The following HUS1 variants were observed in gnomAD, a reference collection of about 807,000 sequenced individuals.
HUS1 encodes HUS1 checkpoint clamp component.
Under a neutral mutation model 32.6 loss-of-function variants are expected in HUS1, and 31 were observed. The ratio of observed to expected loss-of-function variants is 0.95; its 90% CI spans 0.72 to 1.28. The LOEUF is 1.28. Among genes scored for constraint, HUS1 ranks in the 50% most tolerant of loss-of-function variants. The pLI is 0.00. For missense variants in HUS1, 340 were observed against 337.7 expected (o/e 1.01, Z -0.05); for synonymous variants, 123 against 116.6 (o/e 1.06, Z -0.36).
intron 5 of HUS1, among the ~76,000 whole-genome samples, chr7:47,974,864 G>T (rs989154768): frequency 2.0e-5 from 3 of 152,298 alleles, no homozygotes; most frequent in African/African-American, 4.8e-5. Flanking sequence ...CCCTAGCTTG[G>T]TGTGAGGTGT....
intron 4 of HUS1, chr7:47,976,234 T>C (rs941779037): frequency 4.9e-6 from 2 of 406,002 alleles, no homozygotes; most frequent in South Asian, 1.7e-5. Flanking sequence ...TTCTGTACTT[T>C]CTTCTTAAAC....
At chr7:47,969,362 A>T (rs1347795557) in intron 5 of HUS1, 44 bp from the exon 6 acceptor site, 1 of 1,151,156 alleles carries the variant, frequency 8.7e-7, no homozygotes, top group African/African-American at 1.5e-5. Flanking sequence ...AGGAAGCCAA[A>T]AGGAAAAAAA....
chr7:47,968,012 T>C, intron 6 of HUS1, 87 bp from the exon 7 acceptor site: 2 of 1,409,212 alleles, frequency 1.4e-6, no homozygotes, highest in Non-Finnish European at 9.7e-7. Flanking sequence ...CTTAAATAAA[T>C]GATTCACTTT....
At chr7:47,973,763 A>G (rs1788644453) in intron 5 of HUS1, among the ~76,000 whole-genome samples, 1 of 152,254 alleles carries the variant, frequency 6.6e-6, no homozygotes, top group Non-Finnish European at 1.5e-5. Context: ...ACTCCAAAAA[A>G]GAGAAAACAA....
chr7:47,968,410 G>A (rs1025690554), intron 6 of HUS1, among the ~76,000 whole-genome samples: 1 of 152,214 alleles, frequency 6.6e-6, no homozygotes. Context: ...ATAACCGTAT[G>A]GATTTCACTC....
chr7:47,965,852 T>A lies in HUS1; in HGVS notation c.761-414A>T, dbSNP rs183643131. Among the ~76,000 whole-genome samples the A allele has an allele frequency of 1.9e-3, 295 of 151,960 alleles. 1 individual carries two copies. Among genetic ancestry groups the A allele is most frequent in the African/African-American group, 6.7e-3 (279 of 41,448 alleles). On this transcript the variant is annotated intron_variant, in intron 7 of 7. Coordinates refer to ENST00000258774, the MANE Select transcript of HUS1 (RefSeq NM_004507.4). ...GTCACACACTGCTACATGGGATGGATCCCTGCATCTCAACGGTCCTGCCAA... is the reference window on the plus strand; with the variant it reads ...GTCACACACTGCTACATGGGATGGAACCCTGCATCTCAACGGTCCTGCCAA...
chr7:47,973,325 A>T (rs962264110), intron 5 of HUS1, among the ~76,000 whole-genome samples: 2 of 152,244 alleles, frequency 1.3e-5, no homozygotes, highest in Admixed American at 6.5e-5. Flanking sequence ...ATCTCCCAGG[A>T]GCTGGTCAGA....
chr7:47,967,567 T>C (rs1252818976), intron 7 of HUS1, among the ~76,000 whole-genome samples: 1 of 152,186 alleles, frequency 6.6e-6, no homozygotes, highest in Admixed American at 6.5e-5. Context: ...CCAGTGTGGC[T>C]GCAGGTTTCA....
At chr7:47,969,666 A>G (rs759551226) in intron 5 of HUS1, among the ~76,000 whole-genome samples, 4 of 152,140 alleles carry the variant, frequency 2.6e-5, no homozygotes, top group Non-Finnish European at 5.9e-5. Flanking sequence ...AGCTGATGAG[A>G]ACTCCCTCAC....
chr7:47,975,004 C>T (rs3176536), intron 5 of HUS1, among the ~76,000 whole-genome samples: 33 of 152,186 alleles, frequency 2.2e-4, no homozygotes, highest in South Asian at 1.9e-3. Context: ...AATACGGGCA[C>T]GTTAGCAGGT....
At chr7:47,977,597 T>C (rs1428632995) in intron 3 of HUS1, among the ~76,000 whole-genome samples, 1 of 152,158 alleles carries the variant, frequency 6.6e-6, no homozygotes, top group African/African-American at 2.4e-5. Flanking sequence ...TTGAGAGTTA[T>C]GAAGAAAAGC....
intron 5 of HUS1, among the ~76,000 whole-genome samples, chr7:47,972,858 A>G (rs557546784): frequency 1.3e-5 from 2 of 152,206 alleles, no homozygotes; most frequent in African/African-American, 2.4e-5. Flanking sequence ...CGTTTCTCAG[A>G]TAACATTTGA....
chr7:47,974,519 C>T (rs1397902125), intron 5 of HUS1, among the ~76,000 whole-genome samples: 1 of 152,262 alleles, frequency 6.6e-6, no homozygotes, highest in Non-Finnish European at 1.5e-5. Flanking sequence ...AACCCAGCCT[C>T]GTTCTGCAGG....
At chr7:47,971,741 G>T (rs995908440) in intron 5 of HUS1, among the ~76,000 whole-genome samples, 3 of 152,146 alleles carry the variant, frequency 2.0e-5, no homozygotes, top group Admixed American at 6.5e-5. Context: ...GTGCCACCTA[G>T]CAACTGGTCT....
At chr7:47,969,377 A>G in intron 5 of HUS1, 59 bp from the exon 6 acceptor site, 1 of 892,644 alleles carries the variant, frequency 1.1e-6, no homozygotes, top group Non-Finnish European at 1.8e-6. Context: ...AAAAAACTCC[A>G]TGGGCAACAG....
chr7:47,965,618 C>G (rs1165529839), intron 7 of HUS1, among the ~76,000 whole-genome samples, 180 bp from the exon 8 acceptor site: 1 of 152,186 alleles, frequency 6.6e-6, no homozygotes, highest in Non-Finnish European at 1.5e-5. Context: ...ACATCACGGC[C>G]CCAGCACTGG....
At chr7:47,971,418 C>T (rs1321529924) in intron 5 of HUS1, 11 of 455,678 alleles carry the variant, frequency 2.4e-5, no homozygotes, top group South Asian at 1.4e-4. Context: ...CCTGCTCTTG[C>T]TGCCCGGGGA....
At chr7:47,978,909 C>A in intron 1 of HUS1, 93 bp from the exon 2 acceptor site, 1 of 1,330,832 alleles carries the variant, frequency 7.5e-7, no homozygotes, top group Non-Finnish European at 1.0e-6. Context: ...TCATCAACTT[C>A]TCGGTGGAAA....
Position 47,965,296 on chromosome 7 carries a change from A to C in HUS1, c.*60T>G. 1 of 1,107,628 alleles carries C rather than the reference A, an allele frequency of 9.0e-7. No homozygotes were observed. The highest frequency in any genetic ancestry group is 1.4e-6 in the Non-Finnish European group (1 of 717,716). 68.6% of individuals were successfully genotyped at this position (1,107,628 alleles called of 1,614,324 possible). On this transcript the variant is annotated 3_prime_UTR_variant, in exon 8 of 8. Coordinates refer to ENST00000258774, the MANE Select transcript of HUS1 (RefSeq NM_004507.4). ...GGCACAGACCAGTGATCAGAACACAACACCTGCGGCCTCTCCCATCCTGAC... is the reference window on the plus strand; with the variant it reads ...GGCACAGACCAGTGATCAGAACACACCACCTGCGGCCTCTCCCATCCTGAC...
Sources: allele counts gnomAD v4.1 joint callset (sites outside exome capture counted in the v4.1 genomes callset), GRCh38; gene constraint gnomAD v4.1.1; transcripts MANE v1.5; gene names NCBI Gene and HGNC (gene_info 2026-07-23, HGNC 2026-07-21).